Variants in DPP10 observed in about 807,000 individuals in gnomAD.
DPP10 encodes inactive dipeptidyl peptidase 10.
Under a neutral mutation model 120.9 loss-of-function variants are expected in DPP10, and 33 were observed. The observed-to-expected ratio is 0.27, with a 90% CI of 0.21 to 0.37. The LOEUF (loss-of-function observed/expected upper bound fraction) is 0.37, where lower values mean the gene tolerates loss of function less well. DPP10 is among the 10% of genes least tolerant of loss of function. DPP10 has a pLI of 1.00. For missense variants in DPP10, 816 were observed against 942.8 expected (o/e 0.87, Z 1.76); for synonymous variants, 337 against 326.1 (o/e 1.03, Z -0.36).
chr2:114,534,554 A>G (rs1402311957), intron 1 of DPP10, among the ~76,000 whole-genome samples: 7 of 152,200 alleles, frequency 4.6e-5, no homozygotes, highest in Admixed American at 3.9e-4. Context: ...TTCCTCCTGT[A>G]ACAGCAGAAA....
chr2:115,393,405 A>G (rs2067457057), intron 3 of DPP10, among the ~76,000 whole-genome samples: 2 of 152,218 alleles, frequency 1.3e-5, no homozygotes, highest in African/African-American at 4.8e-5. Context: ...ACAGCTTATC[A>G]AAGTCTGAAT....
intron 7 of DPP10, among the ~76,000 whole-genome samples, chr2:115,713,126 T>C (rs954037129): frequency 1.3e-5 from 2 of 151,396 alleles, no homozygotes; most frequent in Non-Finnish European, 3.0e-5. Flanking sequence ...AGAAACGTTT[T>C]GATGTAAAAA....
At chr2:114,626,123 C>T (rs1694492334) in intron 1 of DPP10, among the ~76,000 whole-genome samples, 1 of 150,690 alleles carries the variant, frequency 6.6e-6, no homozygotes, top group Non-Finnish European at 1.5e-5. Flanking sequence ...TGTCAAAAAT[C>T]TTGGTTTTCA....
chr2:115,026,776 A>G (rs547943321), intron 1 of DPP10, among the ~76,000 whole-genome samples: 13 of 152,240 alleles, frequency 8.5e-5, no homozygotes, highest in African/African-American at 2.9e-4. Flanking sequence ...GCCCCATGCA[A>G]TCTTCCCACC....
intron 3 of DPP10, among the ~76,000 whole-genome samples, chr2:115,492,077 A>C (rs1550986): frequency 0.38 from 57,367 of 151,732 alleles, 11,301 homozygotes; most frequent in East Asian, 0.65. Context: ...AGCAATCAAT[A>C]AATAAATAAG....
chr2:114,664,642 A>G (rs1697759442), intron 1 of DPP10, among the ~76,000 whole-genome samples: 1 of 151,816 alleles, frequency 6.6e-6, no homozygotes, highest in Non-Finnish European at 1.5e-5. Flanking sequence ...AAAAAAAAAA[A>G]AAAAAAGAAA....
chr2:115,305,860 A>T (rs1287976714), intron 1 of DPP10, among the ~76,000 whole-genome samples: 2 of 152,060 alleles, frequency 1.3e-5, no homozygotes, highest in South Asian at 2.1e-4. Flanking sequence ...GTTTTAAGCA[A>T]CACCAACACT....
At chr2:115,157,415 T>G (rs1169755911) in intron 1 of DPP10, among the ~76,000 whole-genome samples, 1 of 152,114 alleles carries the variant, frequency 6.6e-6, no homozygotes, top group Non-Finnish European at 1.5e-5. Context: ...AACAGGAAAG[T>G]CTTCCTGTCA....
chr2:115,462,344 C>A (rs1197945573), intron 3 of DPP10, among the ~76,000 whole-genome samples: 1 of 152,126 alleles, frequency 6.6e-6, no homozygotes, highest in African/African-American at 2.4e-5. Flanking sequence ...TATCTTTTAC[C>A]TGGCCTACTG....
intron 5 of DPP10, among the ~76,000 whole-genome samples, chr2:115,559,344 C>T (rs1041063999): frequency 6.6e-5 from 10 of 152,076 alleles, no homozygotes; most frequent in African/African-American, 2.2e-4. Context: ...GTTAGTAGAA[C>T]ACTTTTAAAG....
At chr2:114,846,889 A>G (rs1371145998) in intron 1 of DPP10, among the ~76,000 whole-genome samples, 1 of 152,172 alleles carries the variant, frequency 6.6e-6, no homozygotes, top group Non-Finnish European at 1.5e-5. Flanking sequence ...TGTGATAGTC[A>G]CAGGAGCAAA....
intron 1 of DPP10, among the ~76,000 whole-genome samples, chr2:114,966,822 A>T (rs1699067632): frequency 6.6e-6 from 1 of 152,146 alleles, no homozygotes; most frequent in Admixed American, 6.5e-5. Context: ...CAGGTGGGTC[A>T]CTTGAGGTCA....
intron 5 of DPP10, among the ~76,000 whole-genome samples, chr2:115,658,578 T>G (rs1452017934): frequency 1.3e-5 from 2 of 152,166 alleles, no homozygotes; most frequent in African/African-American, 4.8e-5. Context: ...TGATGCTGAT[T>G]GAATCAAATA....
At chr2:115,081,564 A>G (rs943809152) in intron 1 of DPP10, among the ~76,000 whole-genome samples, 1 of 152,096 alleles carries the variant, frequency 6.6e-6, no homozygotes, top group Non-Finnish European at 1.5e-5. Flanking sequence ...TATAATCAGT[A>G]TCTAATTACT....
intron 3 of DPP10, among the ~76,000 whole-genome samples, chr2:115,403,170 T>C (rs2068232629): frequency 6.6e-6 from 1 of 151,324 alleles, no homozygotes. Context: ...AATGAGAAGA[T>C]GCAGAAAAAG....
intron 1 of DPP10, among the ~76,000 whole-genome samples, chr2:114,916,052 T>C (rs1694778917): frequency 6.6e-6 from 1 of 151,804 alleles, no homozygotes; most frequent in Non-Finnish European, 1.5e-5. Flanking sequence ...GTTGATGTTG[T>C]GAAAGCATAA....
chr2:115,827,205 GTCC>G lies in DPP10; in HGVS notation c.1951-8947_1951-8945del, dbSNP rs529843488. ...TGTATATTTTTAACTAATTAAAGTT[GTCC>G]TCCTGTGATATTATTTTACTTCACT... is the stretch of plus-strand genomic sequence containing the variant. On this transcript the variant is annotated intron_variant, in intron 21 of 25. Coordinates refer to ENST00000410059, the MANE Select transcript of DPP10 (RefSeq NM_020868.6). 1.5e-3 allele frequency among the ~76,000 whole-genome samples: 221 copies of G among 151,122 alleles called. 1 individual carries two copies. Among genetic ancestry groups the G allele is most frequent in the Middle Eastern group, 3.5e-3 (1 of 288 alleles).
intron 3 of DPP10, among the ~76,000 whole-genome samples, chr2:115,467,260 C>T (rs1168145599): frequency 2.0e-5 from 3 of 152,018 alleles, no homozygotes; most frequent in Non-Finnish European, 2.9e-5. Flanking sequence ...AACACATCCA[C>T]AAATAAAACA....
chr2:115,365,311 A>G (rs2065015303), intron 3 of DPP10, among the ~76,000 whole-genome samples: 1 of 151,980 alleles, frequency 6.6e-6, no homozygotes, highest in South Asian at 2.1e-4. Context: ...AAATGCAAAC[A>G]TGGAGACTTT....
Sources: gnomAD v4.1 joint callset for allele counts (sites outside exome capture counted in the v4.1 genomes callset) on GRCh38, gnomAD v4.1.1 for gene constraint, MANE v1.5 for transcripts, NCBI Gene and HGNC (gene_info 2026-07-23, HGNC 2026-07-21) for gene names.